The following MYLK4 variants were observed in gnomAD, a reference collection of about 807,000 sequenced individuals.
MYLK4 encodes the protein caMLCK like.
A neutral mutation model predicts 48.1 loss-of-function variants in MYLK4; 46 were observed. The ratio of observed to expected loss-of-function variants is 0.96; its 90% CI spans 0.75 to 1.22. The LOEUF (loss-of-function observed/expected upper bound fraction) is 1.22. Among genes scored for constraint, MYLK4 ranks in the 50% most tolerant of loss-of-function variants. The pLI is 0.00. For missense variants in MYLK4, 451 were observed against 486.1 expected (o/e 0.93, Z 0.68); for synonymous variants, 170 against 180.8 (o/e 0.94, Z 0.48).
At chr6:2,679,963 G>A (rs1761229300) in intron 8 of MYLK4, among the ~76,000 whole-genome samples, 1 of 152,136 alleles carries the variant, frequency 6.6e-6, no homozygotes, top group South Asian at 2.1e-4. Context: ...TCTTGCAAAT[G>A]CTAAATTAAT....
chr6:2,688,727 C>G (rs920747523), intron 4 of MYLK4, 124 bp downstream of exon 4: 10 of 773,574 alleles, frequency 1.3e-5, no homozygotes, highest in Non-Finnish European at 1.7e-5. Flanking sequence ...GAAATGGTTA[C>G]TGTTTCTTAA....
chr6:2,766,775 T>A, the MYLK4 span, among the ~76,000 whole-genome samples: 1 of 152,106 alleles, frequency 6.6e-6, no homozygotes, highest in Non-Finnish European at 1.5e-5. Flanking sequence ...CCCCAGACTT[T>A]GATTTAGTAA....
the MYLK4 span, chr6:2,766,031 A>G: frequency 1.5e-6 from 2 of 1,315,536 alleles, no homozygotes; most frequent in African/African-American, 3.1e-5. Context: ...CCCCGGGAGG[A>G]AGGGGTCGGG....
Position 2,678,136 on chromosome 6 carries a change from G to A in MYLK4, c.1040+84C>T, listed in dbSNP as rs943949692. Reference sequence around the variant, plus strand: ...GCAAGCATCACAGATGTTAGTAAGAGAATAAATTCGAACAGCCCTGGTGGT... The same window carrying A: ...GCAAGCATCACAGATGTTAGTAAGAAAATAAATTCGAACAGCCCTGGTGGT... On this transcript the variant is annotated intron_variant, in intron 10 of 12. Transcript: ENST00000274643. 6 of 1,491,564 alleles carry A rather than the reference G, an allele frequency of 4.0e-6. No individual in the cohort carries two copies. The African/African-American group carries it at 8.4e-5, about 21-fold the overall frequency. The allele number at this position is 1,491,564 out of a possible 1,614,324, so 92.4% of individuals were successfully genotyped here.
At chr6:2,764,140 T>C in the MYLK4 span, among the ~76,000 whole-genome samples, 4 of 152,066 alleles carry the variant, frequency 2.6e-5, no homozygotes, top group Non-Finnish European at 5.9e-5. Flanking sequence ...AAAAAAATAA[T>C]GAAAGCTCAC....
intron 2 of MYLK4, among the ~76,000 whole-genome samples, chr6:2,733,368 C>T (rs1763546640): frequency 6.6e-6 from 1 of 152,180 alleles, no homozygotes; most frequent in African/African-American, 2.4e-5. Context: ...ACAGTCCCTA[C>T]AGTTTTCTGT....
Position 2,678,257 on chromosome 6 carries a change from T to C in MYLK4, c.1003A>G (p.Lys335Glu), listed in dbSNP as rs1211309964. Reference protein sequence around the residue: ...EEFQDISEEAKEFISKLLIKE... With the variant: ...EEFQDISEEAEEFISKLLIKE... ...ATCAGAAGCTTAGAGATGAACTCCT[T>C]GGCCTCCTCCGAGATGTCCTGAAAT... Residue 335 changes from lysine to glutamate, a missense_variant, in exon 10 of 13, where the codon AAG becomes GAG. Physicochemically the swap from Lys to Glu is moderately conservative, Grantham distance 56. Transcript: ENST00000274643. 13 of 1,614,014 alleles carry C rather than the reference T, an allele frequency of 8.1e-6. No homozygotes were observed. The highest frequency in any genetic ancestry group is 1.1e-5 in the Non-Finnish European group (13 of 1,180,014).
intron 2 of MYLK4, among the ~76,000 whole-genome samples, chr6:2,700,170 T>C (rs924841849): frequency 6.6e-6 from 1 of 152,066 alleles, no homozygotes; most frequent in Admixed American, 6.5e-5. Context: ...AGGCCGCTCT[T>C]TCTTTCCCTC....
At chr6:2,752,080 C>T (rs1764304407), upstream of MYLK4, among the ~76,000 whole-genome samples, 2 of 152,182 alleles carry the variant, frequency 1.3e-5, no homozygotes, top group Admixed American at 6.5e-5. Flanking sequence ...GATCCAACCA[C>T]ATCCTCCACC....
intron 2 of MYLK4, among the ~76,000 whole-genome samples, chr6:2,743,459 T>C (rs1389881541): frequency 6.6e-6 from 1 of 152,200 alleles, no homozygotes; most frequent in African/African-American, 2.4e-5. Flanking sequence ...ATGAAATGCA[T>C]TATCAGGCGA....
the MYLK4 span, chr6:2,765,752 C>G: frequency 4.0e-6 from 6 of 1,498,234 alleles, no homozygotes; most frequent in South Asian, 6.2e-5. Flanking sequence ...GCTGCTCCAC[C>G]CGGCGGGGCA....
At chr6:2,710,566 CT>C (rs1762638314) in intron 2 of MYLK4, among the ~76,000 whole-genome samples, 1 of 152,160 alleles carries the variant, frequency 6.6e-6, no homozygotes, top group Admixed American at 6.6e-5. Context: ...TTCCTTACCC[CT>C]CCCTAATTCC....
intron 9 of MYLK4, among the ~76,000 whole-genome samples, 163 bp from the exon 10 acceptor site, chr6:2,678,535 C>T (rs1002844394): frequency 4.6e-5 from 7 of 152,010 alleles, no homozygotes; most frequent in South Asian, 2.1e-4. Context: ...AAATGCTTGC[C>T]GCCCCCACCC....
chr6:2,768,668 TC>T, the MYLK4 span: 1 of 1,567,598 alleles, frequency 6.4e-7, no homozygotes. Context: ...CTTTTCAAAC[TC>T]CATGTATGTC....
chr6:2,767,488 G>A, the MYLK4 span, among the ~76,000 whole-genome samples: 5 of 152,336 alleles, frequency 3.3e-5, no homozygotes, highest in African/African-American at 1.2e-4. Flanking sequence ...TTCCTGGAAT[G>A]AATTGCCCTT....
chr6:2,769,985 A>C, the MYLK4 span: 1 of 1,289,078 alleles, frequency 7.8e-7, no homozygotes, highest in Non-Finnish European at 1.1e-6. Context: ...TATTCAGTGA[A>C]TATAAGGCTG....
intron 11 of MYLK4, among the ~76,000 whole-genome samples, chr6:2,671,776 C>T (rs925559977): frequency 6.6e-6 from 1 of 152,180 alleles, no homozygotes; most frequent in African/African-American, 2.4e-5. Context: ...GTGAATTCCA[C>T]AAAGAGATTC....
chr6:2,744,551 C>G (rs1764008423), intron 2 of MYLK4, among the ~76,000 whole-genome samples: 1 of 152,206 alleles, frequency 6.6e-6, no homozygotes, highest in South Asian at 2.1e-4. Context: ...TACAATTTCA[C>G]AGCAGATGGT....
rs1760704663 is a variant in MYLK4, at chr6:2,667,503, A to G, written c.*422T>C. ...AAGGCATAGTCTAATGGCTGGAAGTAGCTTTCTCCCTCTAAATGCATCCTC... is the reference window on the plus strand; with the variant it reads ...AAGGCATAGTCTAATGGCTGGAAGTGGCTTTCTCCCTCTAAATGCATCCTC... On this transcript the variant is annotated 3_prime_UTR_variant, in exon 13 of 13. Coordinates refer to ENST00000274643, the MANE Select transcript of MYLK4 (RefSeq NM_001012418.5). The G allele has an allele frequency of 6.6e-6, 1 of 152,266 alleles. No homozygotes were observed. The highest frequency in any genetic ancestry group is 2.1e-4 in the South Asian group (1 of 4,832). The allele number at this position is 152,266 out of a possible 1,614,324, so 9.4% of individuals were successfully genotyped here.
Sources: gnomAD v4.1 joint callset for allele counts (sites outside exome capture counted in the v4.1 genomes callset) on GRCh38, gnomAD v4.1.1 for gene constraint, MANE v1.5 for transcripts, NCBI Gene and HGNC (gene_info 2026-07-23, HGNC 2026-07-21) for gene names.